SESN3: variants seen among roughly 807,000 people sequenced by gnomAD.
SESN3 encodes the protein sestrin 3.
SESN3 carries 21 observed loss-of-function variants against 55.3 expected under a neutral mutation model. The ratio of observed to expected loss-of-function variants is 0.38; its 90% CI spans 0.27 to 0.55. SESN3 has a LOEUF of 0.55. Among genes scored for constraint, SESN3 ranks in the 20% least tolerant of loss-of-function variants. The pLI is 0.76. For missense variants in SESN3, 408 were observed against 604.3 expected (o/e 0.68, Z 3.41); for synonymous variants, 181 against 203.1 (o/e 0.89, Z 0.93).
In SESN3 at chr11:95,184,312, G is replaced by GAGAA. The variant is rs540081858; in HGVS notation, c.937+104_937+107dup. The GAGAA allele has an allele frequency of 3.3e-4, 290 of 881,506 alleles. No individual in the cohort carries two copies. In the African/African-American group the frequency reaches 4.5e-3, roughly 14 times the overall value. The allele number at this position is 881,506 out of a possible 1,614,324, so 54.6% of individuals were successfully genotyped here. ...AAGATAGAAGAGGAGAACTAAATAA[G>GAGAA]AGAAAGATGGTAGCAGAATCATTTT... On this transcript the variant is annotated intron_variant, in intron 6 of 9. Transcript: ENST00000536441.
At position 95,173,091 on chromosome 11, in the gene SESN3, A is replaced by T. The variant is rs2134209278; in HGVS notation, c.*164T>A. On this transcript the variant is annotated 3_prime_UTR_variant, in exon 10 of 10. Coordinates refer to ENST00000536441, the MANE Select transcript of SESN3 (RefSeq NM_144665.4). ...TTAAGCATCAAGGAAAATAAAACAC[A>T]TCATTGCACATTACAGCCGCAAAAA... 2.1e-6 allele frequency: 1 copy of T among 475,472 alleles called. No individual in the cohort carries two copies. The highest frequency in any genetic ancestry group is 3.8e-6 in the Non-Finnish European group (1 of 260,434). 29.5% of individuals were successfully genotyped at this position (475,472 alleles called of 1,614,324 possible). A position where few individuals can be genotyped will look rare whatever the true frequency, so the allele number is the denominator to read the frequency against.
intron 1 of SESN3, among the ~76,000 whole-genome samples, chr11:95,212,088 CAAAT>C (rs1229619385): frequency 6.6e-6 from 1 of 152,080 alleles, no homozygotes; most frequent in Non-Finnish European, 1.5e-5. Flanking sequence ...TTTGAGAATT[CAAAT>C]ATATATTTTT....
intron 3 of SESN3, 85 bp from the exon 4 acceptor site, chr11:95,190,046 A>G: frequency 9.8e-7 from 1 of 1,020,104 alleles, no homozygotes; most frequent in South Asian, 1.9e-5. Flanking sequence ...ATTCAGATGG[A>G]GCTAATGATT....
At chr11:95,184,634 A>G (rs1860129065) in intron 5 of SESN3, 40 bp from the exon 6 acceptor site, 1 of 1,571,736 alleles carries the variant, frequency 6.4e-7, no homozygotes, top group East Asian at 2.2e-5. Context: ...TATTCATACT[A>G]AAAGTGTTCC....
In SESN3 at chr11:95,167,475, C is replaced by CCCAT. The variant is rs563322416; in HGVS notation, c.*5779_*5780insATGG. On this transcript the variant is annotated 3_prime_UTR_variant, in exon 10 of 10. Transcript: ENST00000536441. ...TCAGATATTCATTCTGTTTCCCCCC[C>CCCAT]ATATATATAATTTTTCATTCTGTAC... 2 of 150,936 alleles carry CCCAT rather than the reference C, an allele frequency of 1.3e-5. No homozygotes were observed. Among genetic ancestry groups the CCCAT allele is most frequent in the African/African-American group, 5.0e-5 (2 of 40,338 alleles). The allele number at this position is 150,936 out of a possible 1,614,324, so 9.3% of individuals were successfully genotyped here. A position where few individuals can be genotyped will look rare whatever the true frequency, so the allele number is the denominator to read the frequency against.
intron 1 of SESN3, among the ~76,000 whole-genome samples, chr11:95,213,485 G>A (rs536536402): frequency 6.6e-6 from 1 of 152,222 alleles, no homozygotes; most frequent in South Asian, 2.1e-4. Context: ...TTTACTGAAA[G>A]CTAGGTGAAC....
At chr11:95,218,400 G>A (rs932325345) in intron 1 of SESN3, among the ~76,000 whole-genome samples, 1 of 152,156 alleles carries the variant, frequency 6.6e-6, no homozygotes, top group African/African-American at 2.4e-5. Flanking sequence ...TTCTAAGTCT[G>A]TTCAGTGCCT....
Position 95,230,329 on chromosome 11 carries a change from C to A in SESN3, c.78+454G>T, listed in dbSNP as rs1243981416. On this transcript the variant is annotated intron_variant, in intron 1 of 9. Coordinates refer to ENST00000536441, the MANE Select transcript of SESN3 (RefSeq NM_144665.4). This position sits in a 1 kb window ranked among gnomAD's most constrained non-coding sequence, Gnocchi z 4.6. ...GCAGAAGCAACCGAATAAACAAAAACAACACTCGCAAGAGTTAGCCACAGC... is the reference window on the plus strand; with the variant it reads ...GCAGAAGCAACCGAATAAACAAAAAAAACACTCGCAAGAGTTAGCCACAGC... 1 of 159,174 alleles carries A rather than the reference C, an allele frequency of 6.3e-6. No individual in the cohort carries two copies. The highest frequency in any genetic ancestry group is 2.4e-5 in the African/African-American group (1 of 41,568). The allele number at this position is 159,174 out of a possible 1,614,324, so 9.9% of individuals were successfully genotyped here.
At chr11:95,193,355 A>G (rs972446009) in intron 2 of SESN3, 102 bp downstream of exon 2, 1 of 727,656 alleles carries the variant, frequency 1.4e-6, no homozygotes, top group African/African-American at 1.8e-5. Flanking sequence ...GAAACTCAAA[A>G]GCAAAATTCA....
chr11:95,232,131 G>A (rs2134280683), upstream of SESN3: 1 of 152,344 alleles, frequency 6.6e-6, no homozygotes. Flanking sequence ...ACAAATTGTC[G>A]TTTAAAACTA....
intron 8 of SESN3, among the ~76,000 whole-genome samples, chr11:95,176,176 T>C (rs902460897): frequency 6.6e-6 from 1 of 152,216 alleles, no homozygotes; most frequent in Non-Finnish European, 1.5e-5. Context: ...AGTAGCTATA[T>C]GGAGGTCACT....
intron 1 of SESN3, among the ~76,000 whole-genome samples, chr11:95,212,355 G>A (rs1860671970): frequency 1.3e-5 from 2 of 151,998 alleles, no homozygotes; most frequent in South Asian, 4.1e-4. Context: ...CACAGAGTAA[G>A]CTCTCTAAAA....
At position 95,231,169 on chromosome 11, in the gene SESN3, C is replaced by T; in HGVS notation, c.-309G>A. 2.4e-6 allele frequency: 1 copy of T among 418,208 alleles called. No homozygotes were observed. The highest frequency in any genetic ancestry group is 4.2e-6 in the Non-Finnish European group (1 of 239,556). 25.9% of individuals were successfully genotyped at this position (418,208 alleles called of 1,614,324 possible). On this transcript the variant is annotated 5_prime_UTR_variant, in exon 1 of 10. Coordinates refer to ENST00000536441, the MANE Select transcript of SESN3 (RefSeq NM_144665.4). ...TAGGACGAGCAGCCGCCACCGCTGC[C>T]ACCGCCACCACCGCCGCCGCAGCGC...
intron 2 of SESN3, among the ~76,000 whole-genome samples, chr11:95,191,932 G>A (rs1385412024): frequency 2.0e-5 from 3 of 152,050 alleles, no homozygotes; most frequent in Non-Finnish European, 4.4e-5. Context: ...TCACACCAAT[G>A]TGTGGTAAAG....
chr11:95,184,857 T>C (rs1013699269), intron 5 of SESN3, among the ~76,000 whole-genome samples: 6 of 152,060 alleles, frequency 3.9e-5, no homozygotes, highest in Admixed American at 1.3e-4. Flanking sequence ...ATTTGGTATA[T>C]ATTAAATATT....
At chr11:95,187,752 C>T (rs1860192641) in intron 4 of SESN3, among the ~76,000 whole-genome samples, 1 of 151,846 alleles carries the variant, frequency 6.6e-6, no homozygotes, top group Admixed American at 6.6e-5. Context: ...TATCTGTAAA[C>T]AACTATCCAA....
At position 95,177,810 on chromosome 11, in the gene SESN3, T is replaced by A. The variant is rs1238940561; in HGVS notation, c.1156A>T (p.Thr386Ser). ...TCATGGGTGGCCATAGTGTTATATG[T>A]GAGATTGTAGACCATCCGAAACTTT... Reference protein sequence around the residue: ...DEKFRMVYNLTYNTMATHEDV... With the variant: ...DEKFRMVYNLSYNTMATHEDV... The change falls in exon 8 of 10, where the codon ACA becomes TCA. Residue 386 changes from threonine (T) to serine (S), a missense_variant. Transcript: ENST00000536441. 3 of 1,608,028 alleles carry A rather than the reference T, an allele frequency of 1.9e-6. No individual in the cohort carries two copies.
intron 1 of SESN3, among the ~76,000 whole-genome samples, chr11:95,209,873 C>T (rs61893699): frequency 0.14 from 21,420 of 150,032 alleles, 2,082 homozygotes; most frequent in Middle Eastern, 0.24. Flanking sequence ...AAAAATCAGC[C>T]GGGTGTGGTG....
In SESN3 at chr11:95,166,463, T is replaced by A. The variant is rs968297714; in HGVS notation, c.*6792A>T. The A allele has an allele frequency of 6.6e-6, 1 of 152,210 alleles. No individual in the cohort carries two copies. Among genetic ancestry groups the A allele is most frequent in the African/African-American group, 2.4e-5 (1 of 41,464 alleles). The allele number at this position is 152,210 out of a possible 1,614,324, so 9.4% of individuals were successfully genotyped here. On this transcript the variant is annotated 3_prime_UTR_variant, in exon 10 of 10. Coordinates refer to ENST00000536441, the MANE Select transcript of SESN3 (RefSeq NM_144665.4). ...ACAACTTAAGGATAAATGTCTAACA[T>A]TGAAAGTCAAGAAGTTGGCAATCTG...
Sources: allele counts gnomAD v4.1 joint callset (sites outside exome capture counted in the v4.1 genomes callset), GRCh38; gene constraint gnomAD v4.1.1; non-coding constraint Gnocchi (gnomAD v3.1); transcripts MANE v1.5; gene names NCBI Gene and HGNC (gene_info 2026-07-23, HGNC 2026-07-21).